Variants in COL26A1 observed in about 807,000 individuals in gnomAD.
COL26A1 encodes collagen alpha-1(XXVI) chain.
A neutral mutation model predicts 59.3 loss-of-function variants in COL26A1; 41 were observed. The ratio of observed to expected loss-of-function variants is 0.69; its 90% CI spans 0.54 to 0.90. The LOEUF is 0.90. Among genes scored for constraint, COL26A1 ranks in the 40% least tolerant of loss-of-function variants. The pLI is 0.00. For missense variants in COL26A1, 612 were observed against 602.3 expected (o/e 1.02, Z -0.17); for synonymous variants, 266 against 256.0 (o/e 1.04, Z -0.37).
intron 3 of COL26A1, among the ~76,000 whole-genome samples, chr7:101,514,372 A>C (rs1794986056): frequency 6.6e-6 from 1 of 152,084 alleles, no homozygotes; most frequent in African/African-American, 2.4e-5. Context: ...ACAATAAAAA[A>C]AATAAACCAC....
intron 4 of COL26A1, among the ~76,000 whole-genome samples, chr7:101,535,198 T>G (rs996950650): frequency 1.3e-5 from 2 of 152,072 alleles, no homozygotes; most frequent in Non-Finnish European, 2.9e-5. Context: ...GGGGCAGGAT[T>G]GGAGGGCTCC....
chr7:101,484,001 G>GTGTGTGTT (rs1387200637), intron 3 of COL26A1, among the ~76,000 whole-genome samples: 14 of 144,908 alleles, frequency 9.7e-5, no homozygotes, highest in Admixed American at 2.0e-4. Context: ...GTGTGTGTGT[G>GTGTGTGTT]TGTGTGTGTG....
At chr7:101,540,115 G>A in intron 5 of COL26A1, 66 bp downstream of exon 5, 2 of 1,513,526 alleles carry the variant, frequency 1.3e-6, no homozygotes, top group Non-Finnish European at 8.9e-7. Context: ...GGCCTCCCAG[G>A]GCCTCCCTAG....
At chr7:101,454,268 C>CT (rs58969139) in intron 3 of COL26A1, among the ~76,000 whole-genome samples, 17,012 of 137,192 alleles carry the variant, frequency 0.12, 1,477 homozygotes, top group African/African-American at 0.24. Flanking sequence ...TCTTTTCTTT[C>CT]TTTTTTTTTT....
chr7:101,454,268 C>CTTTTTTT (rs58969139), intron 3 of COL26A1, among the ~76,000 whole-genome samples: 54 of 137,340 alleles, frequency 3.9e-4, no homozygotes, highest in Non-Finnish European at 4.6e-4. Flanking sequence ...TCTTTTCTTT[C>CTTTTTTT]TTTTTTTTTT....
intron 3 of COL26A1, among the ~76,000 whole-genome samples, chr7:101,489,637 CT>C (rs1794345796): frequency 4.4e-5 from 3 of 68,152 alleles, no homozygotes; most frequent in African/African-American, 1.4e-4. Flanking sequence ...TTCTTTCTTT[CT>C]TTCTTTCTTT....
chr7:101,523,208 T>C (rs1042906302), intron 3 of COL26A1, among the ~76,000 whole-genome samples: 3 of 152,128 alleles, frequency 2.0e-5, no homozygotes, highest in African/African-American at 7.2e-5. Flanking sequence ...TAGCTGGGAT[T>C]ACAGGCATGC....
chr7:101,363,109 C>T lies in COL26A1; in HGVS notation c.77C>T (p.Pro26Leu). The T allele has an allele frequency of 5.8e-6, 9 of 1,551,706 alleles. No individual in the cohort carries two copies. Among genetic ancestry groups the T allele is most frequent in the Non-Finnish European group, 6.0e-6 (7 of 1,157,636 alleles). The change falls in exon 1 of 13, where the codon CCC becomes CTC. Residue 26 changes from proline (P) to leucine (L), a missense_variant. Pro to Leu is a moderately conservative substitution (Grantham distance 98). Coordinates refer to ENST00000313669, the MANE Select transcript of COL26A1 (RefSeq NM_001278563.3). ...GSALATGFLYPFSAAALQQHG... is the reference protein window; with the variant it reads ...GSALATGFLYLFSAAALQQHG... ...GCGCTGGCCACCGGCTTCCTCTATC[C>T]CTTCTCGGCCGCAGCTCTGCAGCAG... is the stretch of plus-strand genomic sequence containing the variant.
intron 3 of COL26A1, 144 bp from the exon 4 acceptor site, chr7:101,532,938 T>C (rs1207296840): frequency 1.5e-6 from 1 of 654,998 alleles, no homozygotes; most frequent in Non-Finnish European, 2.7e-6. Context: ...GGGTAAGGCT[T>C]TGAAGGATGA....
chr7:101,499,124 G>T lies in COL26A1; in HGVS notation c.386-33958G>T, dbSNP rs191798904. 4.2e-3 allele frequency among the ~76,000 whole-genome samples: 634 copies of T among 152,306 alleles called. 4 individuals carry two copies. Among genetic ancestry groups the T allele is most frequent in the Middle Eastern group, 6.8e-3 (2 of 294 alleles). ...GGCTGGGGAGGGGGAGGCCGCAAGA[G>T]GTGCCTTGGCTGGAGTTCGCGGGGA... is the stretch of plus-strand genomic sequence containing the variant. On this transcript the variant is annotated intron_variant, in intron 3 of 12. Coordinates refer to ENST00000313669, the MANE Select transcript of COL26A1 (RefSeq NM_001278563.3).
intron 3 of COL26A1, among the ~76,000 whole-genome samples, chr7:101,525,709 G>A (rs1171043273): frequency 1.3e-5 from 2 of 151,850 alleles, no homozygotes; most frequent in Non-Finnish European, 2.9e-5. Context: ...TGTTAGCCAG[G>A]ATGGTCTCGA....
At chr7:101,451,937 C>A (rs1793350732) in intron 3 of COL26A1, among the ~76,000 whole-genome samples, 1 of 152,084 alleles carries the variant, frequency 6.6e-6, no homozygotes, top group Non-Finnish European at 1.5e-5. Context: ...GAACTCCCGG[C>A]CTCAGGTGAT....
intron 3 of COL26A1, among the ~76,000 whole-genome samples, chr7:101,453,433 T>C (rs1169995858): frequency 1.3e-5 from 2 of 152,218 alleles, no homozygotes; most frequent in Non-Finnish European, 2.9e-5. Flanking sequence ...AATGTCGTTA[T>C]GTGGCATGTG....
At chr7:101,362,813 C>A, upstream of COL26A1, 2 of 541,634 alleles carry the variant, frequency 3.7e-6, no homozygotes, top group Admixed American at 3.9e-5. Context: ...CCCCACGCCC[C>A]CTTTGACGGC....
At chr7:101,547,388 G>A in intron 8 of COL26A1, 149 bp downstream of exon 8, 1 of 526,928 alleles carries the variant, frequency 1.9e-6, no homozygotes, top group East Asian at 3.3e-5. Context: ...CCCGCTGTGT[G>A]GCAGGAAATG....
chr7:101,508,090 C>T (rs993737870), intron 3 of COL26A1, among the ~76,000 whole-genome samples: 8 of 152,210 alleles, frequency 5.3e-5, no homozygotes, highest in African/African-American at 1.9e-4. Context: ...CTCATGTCTT[C>T]CACTCCTTGT....
chr7:101,530,344 G>C (rs368119823), intron 3 of COL26A1, among the ~76,000 whole-genome samples: 1 of 151,862 alleles, frequency 6.6e-6, no homozygotes, highest in Non-Finnish European at 1.5e-5. Context: ...TGAGGTGGGC[G>C]GATCCCTTGA....
chr7:101,550,713 G>A (rs1296649733), intron 9 of COL26A1, among the ~76,000 whole-genome samples: 4 of 152,122 alleles, frequency 2.6e-5, no homozygotes, highest in Non-Finnish European at 5.9e-5. Context: ...GGCGATGTCA[G>A]GGGACAGCTG....
At chr7:101,464,218 A>C (rs1194895024) in intron 3 of COL26A1, among the ~76,000 whole-genome samples, 1 of 151,808 alleles carries the variant, frequency 6.6e-6, no homozygotes, top group East Asian at 1.9e-4. Context: ...CTCCCATATC[A>C]GCTTTCCAAA....
Sources: allele counts gnomAD v4.1 joint callset (sites outside exome capture counted in the v4.1 genomes callset), GRCh38; gene constraint gnomAD v4.1.1; transcripts MANE v1.5; gene names NCBI Gene and HGNC (gene_info 2026-07-23, HGNC 2026-07-21).